SCTR: variants seen among roughly 807,000 people sequenced by gnomAD.
SCTR encodes the protein pancreatic secretin receptor.
A neutral mutation model predicts 60.8 loss-of-function variants in SCTR; 56 were observed. The ratio of observed to expected loss-of-function variants is 0.92; its 90% CI spans 0.74 to 1.15. The LOEUF (loss-of-function observed/expected upper bound fraction) is 1.15, where lower values mean the gene tolerates loss of function less well. Among genes scored for constraint, SCTR ranks in the 50% most tolerant of loss-of-function variants. SCTR has a pLI of 0.00. For synonymous variants in SCTR, 202 were observed against 217.0 expected (o/e 0.93, Z 0.61); for missense variants, 562 against 550.4 (o/e 1.02, Z -0.21).
At chr2:119,496,332 G>A (rs142353727) in intron 1 of SCTR, among the ~76,000 whole-genome samples, 1 of 152,314 alleles carries the variant, frequency 6.6e-6, no homozygotes, top group East Asian at 1.9e-4. Flanking sequence ...GATGGTAAGT[G>A]TCACAGAAAT....
At position 119,444,430 on chromosome 2, in the gene SCTR, A is replaced by AATAT. The variant is rs1199492365; in HGVS notation, c.1140+2325_1140+2328dup. Among the ~76,000 whole-genome samples, 128 of 73,754 alleles carry AATAT rather than the reference A, an allele frequency of 1.7e-3. 9 individuals carry two copies. The highest frequency in any genetic ancestry group is 2.7e-3 in the Non-Finnish European group (100 of 37,448). The allele number at this position is 73,754 out of a possible 152,430, so 48.4% of individuals were successfully genotyped here. A position where few individuals can be genotyped will look rare whatever the true frequency, so the allele number is the denominator to read the frequency against. ...GAATATATATACCCATATACGTATG[A>AATAT]ATATACACATATATATACGTACGTA... is the stretch of plus-strand genomic sequence containing the variant. On this transcript the variant is annotated intron_variant, in intron 11 of 12. Transcript: ENST00000019103.
chr2:119,450,749 C>T (rs1034649214), intron 9 of SCTR, among the ~76,000 whole-genome samples: 2 of 152,068 alleles, frequency 1.3e-5, no homozygotes, highest in African/African-American at 2.4e-5. Context: ...GCAGGCAGAT[C>T]ACTCGAGTCC....
intron 1 of SCTR, among the ~76,000 whole-genome samples, chr2:119,520,163 A>G (rs1472643386): frequency 6.6e-6 from 1 of 152,084 alleles, no homozygotes; most frequent in Non-Finnish European, 1.5e-5. Context: ...TTTTCCAGGT[A>G]CACAAAAAAA....
chr2:119,496,516 G>A (rs1398024806), intron 1 of SCTR, among the ~76,000 whole-genome samples: 1 of 152,138 alleles, frequency 6.6e-6, no homozygotes, highest in Non-Finnish European at 1.5e-5. Flanking sequence ...TCTACTAAGT[G>A]CAAATAAGAT....
At chr2:119,490,221 A>G (rs1678060493) in intron 2 of SCTR, among the ~76,000 whole-genome samples, 1 of 152,200 alleles carries the variant, frequency 6.6e-6, no homozygotes, top group South Asian at 2.1e-4. Flanking sequence ...AGGGAAAGCA[A>G]AGGCTCAAAC....
At chr2:119,473,920 T>C (rs1387218252) in intron 3 of SCTR, among the ~76,000 whole-genome samples, 1 of 152,140 alleles carries the variant, frequency 6.6e-6, no homozygotes, top group Non-Finnish European at 1.5e-5. Context: ...TTTCTCAGGC[T>C]CCCATTTTTA....
chr2:119,470,365 T>C (rs1676954862), intron 4 of SCTR, among the ~76,000 whole-genome samples: 1 of 152,138 alleles, frequency 6.6e-6, no homozygotes, highest in African/African-American at 2.4e-5. Flanking sequence ...AATAGGATGG[T>C]TTAAATCTCA....
At chr2:119,480,401 T>C (rs1677546343) in intron 2 of SCTR, among the ~76,000 whole-genome samples, 1 of 152,182 alleles carries the variant, frequency 6.6e-6, no homozygotes, top group Non-Finnish European at 1.5e-5. Context: ...ATGAGACTTA[T>C]TCACTATCAC....
chr2:119,452,537 C>T (rs760556729), intron 8 of SCTR, among the ~76,000 whole-genome samples: 10 of 152,076 alleles, frequency 6.6e-5, no homozygotes, highest in Admixed American at 4.6e-4. Flanking sequence ...TTATTTTTGC[C>T]ACAAGGAAAA....
chr2:119,512,340 CCCTTCTCCTTCTCCTTCTCCTTCT>C (rs58262510), intron 1 of SCTR, among the ~76,000 whole-genome samples: 48 of 55,082 alleles, frequency 8.7e-4, no homozygotes, highest in African/African-American at 3.3e-3. Flanking sequence ...CTTCCCCTTC[CCCTTCTCCTTCTCCTTCTCCTTCT>C]CCTTCTCCTT....
At chr2:119,514,442 A>G (rs999207608) in intron 1 of SCTR, among the ~76,000 whole-genome samples, 6 of 152,258 alleles carry the variant, frequency 3.9e-5, no homozygotes, top group Non-Finnish European at 8.8e-5. Flanking sequence ...TCCAGTCTGC[A>G]GAGAGAAAGA....
At chr2:119,521,290 T>G (rs1165607791) in intron 1 of SCTR, among the ~76,000 whole-genome samples, 1 of 152,196 alleles carries the variant, frequency 6.6e-6, no homozygotes, top group Non-Finnish European at 1.5e-5. Flanking sequence ...TTTCAAGAGG[T>G]GATTCTTCCT....
chr2:119,456,464 G>A (rs758968800), intron 7 of SCTR, among the ~76,000 whole-genome samples: 1 of 152,136 alleles, frequency 6.6e-6, no homozygotes, highest in Non-Finnish European at 1.5e-5. Flanking sequence ...GGTGCTCTTG[G>A]TTAGACAGAT....
chr2:119,473,813 G>A (rs1003629783), intron 3 of SCTR, among the ~76,000 whole-genome samples: 1 of 152,162 alleles, frequency 6.6e-6, no homozygotes, highest in Non-Finnish European at 1.5e-5. Flanking sequence ...CCAGCCGGGT[G>A]CTGCTCCTGA....
chr2:119,453,347 C>A lies in SCTR; in HGVS notation c.791G>T (p.Gly264Val), dbSNP rs149745084. ...YLQGFVAFGW[G>V]SPAIFVALWA... Reference sequence around the variant, plus strand: ...CAAAGCAACAAAAATGGCTGGAGAACCTGAGGATTAAAAACAAAGGGAGGG... The same window carrying A: ...CAAAGCAACAAAAATGGCTGGAGAAACTGAGGATTAAAAACAAAGGGAGGG... The change falls in exon 8 of 13, where the codon GGT becomes GTT. Residue 264 changes from glycine (G) to valine (V), a missense_variant and splice_region_variant. By Grantham distance (109) the Gly-to-Val change is moderately radical. Coordinates refer to ENST00000019103, the MANE Select transcript of SCTR (RefSeq NM_002980.3). 5.4e-5 allele frequency: 87 copies of A among 1,612,744 alleles called. No homozygotes were observed. The highest frequency in any genetic ancestry group is 2.3e-4 in the African/African-American group (17 of 74,866).
chr2:119,504,712 T>C (rs569818594), intron 1 of SCTR, among the ~76,000 whole-genome samples: 1 of 152,094 alleles, frequency 6.6e-6, no homozygotes, highest in Non-Finnish European at 1.5e-5. Context: ...TAAGAAAAGA[T>C]TGACAAATTA....
At chr2:119,479,156 G>GAGGAAGGGAAGAAGGAATGA in intron 2 of SCTR, 1 of 1,256,798 alleles carries the variant, frequency 8.0e-7, no homozygotes, top group East Asian at 3.4e-5. Context: ...GAAAGGGAGG[G>GAGGAAGGGAAGAAGGAATGA]AGGAAGGGAA....
chr2:119,460,424 ATGGG>A (rs1386899136), intron 7 of SCTR, among the ~76,000 whole-genome samples: 4 of 140,322 alleles, frequency 2.9e-5, no homozygotes, highest in Admixed American at 6.9e-5. Context: ...GGATGTGTGC[ATGGG>A]TGGGTGGGTG....
chr2:119,467,032 C>T, intron 4 of SCTR, among the ~76,000 whole-genome samples: 1 of 152,178 alleles, frequency 6.6e-6, no homozygotes, highest in East Asian at 1.9e-4. Flanking sequence ...AGCCACTTCA[C>T]ACTATTGGCT....
Sources: gnomAD v4.1 joint callset for allele counts (sites outside exome capture counted in the v4.1 genomes callset) on GRCh38, gnomAD v4.1.1 for gene constraint, MANE v1.5 for transcripts, NCBI Gene and HGNC (gene_info 2026-07-23, HGNC 2026-07-21) for gene names.